The following VPS9D1 variants were observed in gnomAD, a reference collection of about 807,000 sequenced individuals.
The protein encoded by VPS9D1 is VPS9 domain-containing protein 1.
VPS9D1 carries 78 observed loss-of-function variants against 75.8 expected under a neutral mutation model. The ratio of observed to expected loss-of-function variants is 1.03; its 90% confidence interval spans 0.86 to 1.24. VPS9D1 has a LOEUF of 1.24. Among genes scored for constraint, VPS9D1 ranks in the 50% most tolerant of loss-of-function variants. VPS9D1 has a pLI of 0.00. For missense variants in VPS9D1, 1,057 were observed against 847.7 expected, an observed-to-expected ratio of 1.25 and a Z score of -3.07; for synonymous variants, 481 against 385.6, an observed-to-expected ratio of 1.25 and a Z score of -2.90.
intron 2 of VPS9D1, chr16:89,718,188 C>A: frequency 2.5e-6 from 1 of 402,480 alleles, no homozygotes; most frequent in South Asian, 1.8e-5. Flanking sequence ...TGCCAGTTTG[C>A]TCCTGCCCCA....
chr16:89,716,712 C>G lies in VPS9D1; in HGVS notation c.268+18G>C. The G allele has an allele frequency of 6.3e-7, 1 of 1,590,820 alleles. No individual in the cohort carries two copies. Among genetic ancestry groups the G allele is most frequent in the Non-Finnish European group, 8.6e-7 (1 of 1,167,416 alleles). On this transcript the variant is annotated intron_variant, in intron 3 of 14. Coordinates refer to ENST00000389386, the MANE Select transcript of VPS9D1 (RefSeq NM_004913.3). ...TTGGGGGATGCCCCAGGAGAGCCGC[C>G]TACTGCAGGAGACCCACCAAGCTTG... is the stretch of plus-strand genomic sequence containing the variant.
rs757522802 is a variant in VPS9D1, at chr16:89,712,602, C to A, written c.543+3G>T. On this transcript the variant is annotated splice_donor_region_variant and intron_variant, in intron 5 of 14. Transcript: ENST00000389386. ...CCCCAGGCCCTCCCTAGCCCCCACT[C>A]ACCAGGGATGTCTTCTGCATGGCCT... 26 of 1,609,302 alleles carry A rather than the reference C, an allele frequency of 1.6e-5. No individual in the cohort carries two copies. In the East Asian group the frequency reaches 5.6e-4, roughly 35 times the overall value.
Position 89,720,828 on chromosome 16 carries a change from G to A in VPS9D1, c.34C>T (p.Pro12Ser), listed in dbSNP as rs893982957. Residue 12 changes from proline to serine, a missense_variant, in exon 1 of 15, where the codon CCG becomes TCG. Transcript: ENST00000389386. ...GCAAGCTTCATGGCGCTCTGCAGCG[G>A]CTTCACCGTGCCGTCCCCGGCCGCA... ...AAAAGDGTVK[P>S]LQSAMKLANG... The A allele has an allele frequency of 3.5e-6, 5 of 1,443,120 alleles. No homozygotes were observed. The highest frequency in any genetic ancestry group is 2.7e-5 in the South Asian group (2 of 72,750). 89.4% of individuals were successfully genotyped at this position (1,443,120 alleles called of 1,614,324 possible).
At chr16:89,711,803 G>T (rs1442644861) in intron 8 of VPS9D1, 79 bp downstream of exon 8, 5 of 1,454,458 alleles carry the variant, frequency 3.4e-6, no homozygotes, top group Non-Finnish European at 3.7e-6. Context: ...CGCCCCCCAC[G>T]GGGGCCCACC....
chr16:89,710,817 C>T lies in VPS9D1; in HGVS notation c.1027G>A (p.Ala343Thr), dbSNP rs770577651. 49 of 1,536,126 alleles carry T rather than the reference C, an allele frequency of 3.2e-5. No homozygotes were observed. Among genetic ancestry groups the T allele is most frequent in the Admixed American group, 1.4e-4 (7 of 50,634 alleles). The change falls in exon 10 of 15, where the codon GCC (alanine) becomes ACC (threonine). Residue 343 changes from alanine to threonine, a missense_variant. Physicochemically the swap from Ala to Thr is moderately conservative, Grantham distance 58. Coordinates refer to ENST00000389386, the MANE Select transcript of VPS9D1 (RefSeq NM_004913.3). ...GGGGGACTGTCCTGGGGCCGCGGGG[C>T]TGCGCTGGGCTCGGGCGGGGACAGC... ...CMLSPPEPSA[A>T]PRPQDSPPTP...
At chr16:89,718,095 C>T in intron 2 of VPS9D1, 1 of 455,590 alleles carries the variant, frequency 2.2e-6, no homozygotes, top group South Asian at 1.6e-5. Flanking sequence ...AGTGGCTCCC[C>T]CTGACCTCTG....
At chr16:89,718,068 C>T (rs1221955183) in intron 2 of VPS9D1, 2 of 454,408 alleles carry the variant, frequency 4.4e-6, no homozygotes, top group Non-Finnish European at 8.9e-6. Flanking sequence ...TCCCCCTGAC[C>T]TCTGTGCTCT....
intron 1 of VPS9D1, chr16:89,719,491 C>T (rs1363800877): frequency 2.5e-6 from 1 of 395,326 alleles, no homozygotes; most frequent in East Asian, 7.0e-5. Context: ...CCTTCTTGTG[C>T]AACTCAAGGG....
intron 2 of VPS9D1, chr16:89,718,197 C>A: frequency 2.5e-6 from 1 of 398,522 alleles, no homozygotes. Flanking sequence ...GCTCCTGCCC[C>A]ATCTGCCTCC....
chr16:89,720,603 G>T, intron 1 of VPS9D1, 160 bp downstream of exon 1: 1 of 1,226,762 alleles, frequency 8.2e-7, no homozygotes, highest in Non-Finnish European at 1.0e-6. Flanking sequence ...GCCCGGCTGC[G>T]CCCCGCCCCC....
At chr16:89,716,409 G>C in intron 4 of VPS9D1, 53 bp downstream of exon 4, 1 of 1,602,268 alleles carries the variant, frequency 6.2e-7, no homozygotes, top group South Asian at 1.1e-5. Context: ...ATCTTTCTCA[G>C]CCTCAAAAAC....
chr16:89,711,876 A>T lies in VPS9D1; in HGVS notation c.747+6T>A. 6.5e-7 allele frequency: 1 copy of T among 1,549,548 alleles called. No individual in the cohort carries two copies. The highest frequency in any genetic ancestry group is 8.7e-7 in the Non-Finnish European group (1 of 1,146,288). On this transcript the variant is annotated splice_donor_region_variant and intron_variant, in intron 8 of 14. Coordinates refer to ENST00000389386, the MANE Select transcript of VPS9D1 (RefSeq NM_004913.3). ...CCTACAAAGCCTGGGCCCGTGGGGGACGCACATGGTCCTGTTCGTACTCCA... is the reference window on the plus strand; with the variant it reads ...CCTACAAAGCCTGGGCCCGTGGGGGTCGCACATGGTCCTGTTCGTACTCCA...
chr16:89,711,794 G>T, intron 8 of VPS9D1, 88 bp downstream of exon 8: 1 of 1,429,072 alleles, frequency 7.0e-7, no homozygotes, highest in Non-Finnish European at 9.5e-7. Flanking sequence ...CTCTGGCTCC[G>T]CCCCCCACGG....
At chr16:89,711,482 C>G in intron 8 of VPS9D1, 70 bp from the exon 9 acceptor site, 1 of 1,430,034 alleles carries the variant, frequency 7.0e-7, no homozygotes, top group Non-Finnish European at 9.5e-7. Context: ...CATCTCCCAC[C>G]AGTGCCGACC....
intron 1 of VPS9D1, chr16:89,719,481 C>T (rs1383326046): frequency 2.5e-6 from 1 of 401,222 alleles, no homozygotes; most frequent in African/African-American, 2.1e-5. Flanking sequence ...TGCAATGTTT[C>T]CTTCTTGTGC....
At chr16:89,709,634 G>A in intron 11 of VPS9D1, 143 bp downstream of exon 11, 1 of 1,411,164 alleles carries the variant, frequency 7.1e-7, no homozygotes, top group Non-Finnish European at 9.6e-7. Context: ...GATGGCCTCA[G>A]GGTAAAGCAC....
At chr16:89,710,039 A>G in intron 10 of VPS9D1, 133 bp from the exon 11 acceptor site, 3 of 1,277,232 alleles carry the variant, frequency 2.3e-6, no homozygotes, top group Non-Finnish European at 3.2e-6. Flanking sequence ...CCCACCCCTG[A>G]CCCTCCTCGG....
intron 14 of VPS9D1, among the ~76,000 whole-genome samples, 177 bp from the exon 15 acceptor site, chr16:89,708,131 T>G (rs1426586437): frequency 6.6e-6 from 1 of 152,240 alleles, no homozygotes; most frequent in African/African-American, 2.4e-5. Context: ...GTGCTCGTCC[T>G]TGGACGGTAG....
intron 6 of VPS9D1, 177 bp downstream of exon 6, chr16:89,712,283 A>G (rs2060949951): frequency 3.8e-6 from 5 of 1,313,588 alleles, no homozygotes; most frequent in Non-Finnish European, 5.2e-6. Flanking sequence ...GCCAGAGAAC[A>G]TGGGGGACGG....
Sources: allele counts gnomAD v4.1 joint callset (sites outside exome capture counted in the v4.1 genomes callset), GRCh38; gene constraint gnomAD v4.1.1; transcripts MANE v1.5; gene names NCBI Gene and HGNC (gene_info 2026-07-23, HGNC 2026-07-21).